The following PPP1R14C variants were observed in gnomAD, a reference collection of about 807,000 sequenced individuals.
PPP1R14C encodes the protein protein phosphatase 1 regulatory subunit 14C.
PPP1R14C carries 16 observed loss-of-function variants against 20.4 expected under a neutral mutation model. The observed-to-expected ratio is 0.78, with a 90% CI of 0.53 to 1.19. PPP1R14C has a LOEUF of 1.19. Ranked by LOEUF, PPP1R14C falls within the 50% of genes most tolerant of loss-of-function variation. The pLI is 0.00. For synonymous variants in PPP1R14C, 91 were observed against 91.0 expected (o/e 1.00, Z 0.00); for missense variants, 211 against 220.1 (o/e 0.96, Z 0.26).
At chr6:150,206,036 GT>G (rs1562269215) in intron 1 of PPP1R14C, among the ~76,000 whole-genome samples, 1 of 152,060 alleles carries the variant, frequency 6.6e-6, no homozygotes, top group African/African-American at 2.4e-5. Flanking sequence ...GGGCCTCTGA[GT>G]CTCCACATGC....
chr6:150,238,503 C>T (rs960737245), intron 3 of PPP1R14C, among the ~76,000 whole-genome samples: 3 of 152,258 alleles, frequency 2.0e-5, no homozygotes, highest in Non-Finnish European at 2.9e-5. Flanking sequence ...GCTGCCTTCT[C>T]CAGTCTTTGG....
chr6:150,221,471 G>T (rs188473137), intron 3 of PPP1R14C, among the ~76,000 whole-genome samples: 1 of 152,264 alleles, frequency 6.6e-6, no homozygotes, highest in Non-Finnish European at 1.5e-5. Flanking sequence ...TTCTAAGCAG[G>T]GATCTCTAGA....
intron 1 of PPP1R14C, among the ~76,000 whole-genome samples, chr6:150,163,892 C>T (rs1777397828): frequency 6.6e-6 from 1 of 152,122 alleles, no homozygotes; most frequent in Admixed American, 6.6e-5. Context: ...GGCTTATATA[C>T]AGAGTGGCAA....
intron 3 of PPP1R14C, among the ~76,000 whole-genome samples, chr6:150,232,493 C>T (rs558814831): frequency 7.2e-5 from 11 of 152,308 alleles, no homozygotes; most frequent in African/African-American, 2.2e-4. Context: ...AGAAATCTTT[C>T]GTGACTGTAA....
At chr6:150,162,507 GT>G (rs1190787343) in intron 1 of PPP1R14C, among the ~76,000 whole-genome samples, 2 of 137,828 alleles carry the variant, frequency 1.5e-5, no homozygotes, top group Non-Finnish European at 3.1e-5. Context: ...TTCATCCGTG[GT>G]TTTTTTGTGA....
At chr6:150,195,246 T>C in intron 1 of PPP1R14C, 2 of 764,746 alleles carry the variant, frequency 2.6e-6, no homozygotes, top group Non-Finnish European at 3.2e-6. Context: ...TGTGTGTGTG[T>C]GGATACCATG....
chr6:150,167,373 G>A (rs888549627), intron 1 of PPP1R14C, among the ~76,000 whole-genome samples: 3 of 151,788 alleles, frequency 2.0e-5, no homozygotes, highest in Admixed American at 6.6e-5. Flanking sequence ...GTCTCGGGGG[G>A]GAAAAAAACA....
At chr6:150,197,675 GC>G (rs1352744155) in intron 1 of PPP1R14C, among the ~76,000 whole-genome samples, 1 of 151,986 alleles carries the variant, frequency 6.6e-6, no homozygotes. Context: ...GTCCCTGCCC[GC>G]CACGGTGGAG....
intron 3 of PPP1R14C, among the ~76,000 whole-genome samples, chr6:150,231,120 CT>C (rs1222607797): frequency 6.6e-6 from 1 of 152,204 alleles, no homozygotes; most frequent in Non-Finnish European, 1.5e-5. Flanking sequence ...TACCACGCCC[CT>C]GTGACAGAGC....
intron 1 of PPP1R14C, among the ~76,000 whole-genome samples, chr6:150,159,990 G>A (rs550054389): frequency 6.6e-6 from 1 of 152,222 alleles, no homozygotes; most frequent in African/African-American, 2.4e-5. Context: ...TAGGTATTTT[G>A]TAGAATGTCC....
intron 3 of PPP1R14C, among the ~76,000 whole-genome samples, chr6:150,218,484 CCA>C (rs542238409): frequency 0.055 from 6,459 of 118,390 alleles, 266 homozygotes; most frequent in Middle Eastern, 0.073. Context: ...ACCCCCCCCC[CCA>C]AAAAAAAATT....
chr6:150,226,644 A>G (rs1582928028), intron 3 of PPP1R14C, among the ~76,000 whole-genome samples: 1 of 152,160 alleles, frequency 6.6e-6, no homozygotes, highest in Non-Finnish European at 1.5e-5. Flanking sequence ...ATCTCTTTTT[A>G]TAGCTGAAGA....
intron 3 of PPP1R14C, among the ~76,000 whole-genome samples, chr6:150,228,270 C>T (rs904521420): frequency 6.6e-6 from 1 of 152,222 alleles, no homozygotes; most frequent in South Asian, 2.1e-4. Context: ...ACTGCTGTCA[C>T]TTCTGGCACC....
rs1777662849 is a variant in PPP1R14C at position 150,185,114 on chromosome 6, G to A, written c.307-29630G>A. ...TTATTAACTATCCTCTATTTCTGATGTAGTAGCATTCTCACTTCCTGCTTT... is the reference window on the plus strand; with the variant it reads ...TTATTAACTATCCTCTATTTCTGATATAGTAGCATTCTCACTTCCTGCTTT... On this transcript the variant is annotated intron_variant, in intron 1 of 3. Coordinates refer to ENST00000361131, the MANE Select transcript of PPP1R14C (RefSeq NM_030949.3). This position sits in a 1 kb window ranked among gnomAD's most constrained non-coding sequence, Gnocchi z 4.1. 6.6e-6 allele frequency among the ~76,000 whole-genome samples: 1 copy of A among 152,150 alleles called. No individual in the cohort carries two copies. The highest frequency in any genetic ancestry group is 2.4e-5 in the African/African-American group (1 of 41,446).
intron 3 of PPP1R14C, among the ~76,000 whole-genome samples, chr6:150,243,641 A>G (rs191018431): frequency 6.6e-6 from 1 of 152,372 alleles, no homozygotes; most frequent in Non-Finnish European, 1.5e-5. Flanking sequence ...ACAAATAAAT[A>G]GATCAGTGAT....
intron 1 of PPP1R14C, among the ~76,000 whole-genome samples, chr6:150,157,419 GTT>G (rs1281971857): frequency 2.0e-5 from 3 of 151,308 alleles, no homozygotes; most frequent in African/African-American, 7.4e-5. Flanking sequence ...GTGGGAAACA[GTT>G]TGTCTCATTA....
intron 3 of PPP1R14C, among the ~76,000 whole-genome samples, chr6:150,224,891 A>C (rs986063675): frequency 6.6e-6 from 1 of 152,092 alleles, no homozygotes; most frequent in African/African-American, 2.4e-5. Context: ...TGTGGTAGTA[A>C]GGTGTGAGGA....
At chr6:150,149,302 T>C (rs1777215797) in intron 1 of PPP1R14C, among the ~76,000 whole-genome samples, 1 of 143,640 alleles carries the variant, frequency 7.0e-6, no homozygotes, top group South Asian at 2.1e-4. Flanking sequence ...CATACATATG[T>C]GTGTGTGTGT....
intron 1 of PPP1R14C, among the ~76,000 whole-genome samples, chr6:150,158,481 G>C (rs1777329295): frequency 6.6e-6 from 1 of 152,126 alleles, no homozygotes; most frequent in Non-Finnish European, 1.5e-5. Flanking sequence ...TGCAATGGGA[G>C]CTCTATCACA....
Sources: gnomAD v4.1 joint callset for allele counts (sites outside exome capture counted in the v4.1 genomes callset) on GRCh38, gnomAD v4.1.1 for gene constraint, Gnocchi (gnomAD v3.1) non-coding constraint, MANE v1.5 for transcripts, NCBI Gene and HGNC (gene_info 2026-07-23, HGNC 2026-07-21) for gene names.